The following SPTAN1 variants were observed in gnomAD, a reference collection of about 807,000 sequenced individuals.
SPTAN1 encodes spectrin alpha chain, non-erythrocytic 1.
SPTAN1 carries 61 observed loss-of-function variants against 331.3 expected under a neutral mutation model. The observed-to-expected ratio is 0.18, with a 90% CI of 0.15 to 0.23. The LOEUF is 0.23. Among genes scored for constraint, SPTAN1 ranks in the 10% least tolerant of loss-of-function variants. The pLI, the probability that SPTAN1 is intolerant of heterozygous loss-of-function variation, is 1.00. For synonymous variants in SPTAN1, 1,153 were observed against 1,173.9 expected (o/e 0.98, Z 0.36); for missense variants, 2,043 against 3,147.9 (o/e 0.65, Z 8.40).
At chr9:128,604,773 A>C (rs1181767300) in intron 29 of SPTAN1, among the ~76,000 whole-genome samples, 2 of 152,172 alleles carry the variant, frequency 1.3e-5, no homozygotes, top group East Asian at 3.9e-4. Context: ...TCTACTAAAA[A>C]TAAAAAAATT....
Position 128,576,908 on chromosome 9 carries a change from A to G in SPTAN1, c.737A>G (p.Gln246Arg). 1 of 1,614,182 alleles carries G rather than the reference A, an allele frequency of 6.2e-7. No individual in the cohort carries two copies. Among genetic ancestry groups the G allele is most frequent in the Non-Finnish European group, 8.5e-7 (1 of 1,180,044 alleles). The change falls in exon 6 of 57, where the codon CAG becomes CGG. Residue 246 changes from glutamine to arginine, a missense_variant. By Grantham distance (43) the Gln-to-Arg change is conservative. Around this residue, in one of 12 missense-constraint regions of SPTAN1, gnomAD observed 1,038 missense variants for 1,531.5 expected, o/e 0.68. Transcript: ENST00000372739. ...AWQRLKGLAL[Q>R]RQGKLFGAAE... Reference sequence around the variant, plus strand: ...CAGCGGCTGAAGGGCCTGGCTCTGCAGAGGCAGGGGAAGCTCTTTGGGGCA... The same window carrying G: ...CAGCGGCTGAAGGGCCTGGCTCTGCGGAGGCAGGGGAAGCTCTTTGGGGCA...
chr9:128,605,607 GC>G, intron 31 of SPTAN1, 130 bp downstream of exon 31: 1 of 1,193,850 alleles, frequency 8.4e-7, no homozygotes, highest in Non-Finnish European at 1.2e-6. Context: ...ACTTTGGGGG[GC>G]CAAGGCAAGC....
intron 21 of SPTAN1, 90 bp from the exon 22 acceptor site, chr9:128,591,387 C>T (rs945265914): frequency 1.5e-4 from 235 of 1,560,894 alleles, no homozygotes; most frequent in Non-Finnish European, 2.0e-4. Context: ...CTTAAAACAA[C>T]GCTCTCGTGT....
In SPTAN1 at chr9:128,574,705, G is replaced by A. The variant is rs1258485341; in HGVS notation, c.394G>A (p.Glu132Lys). 7 of 1,614,168 alleles carry A rather than the reference G, an allele frequency of 4.3e-6. No homozygotes were observed. The South Asian group carries it at 4.4e-5, about 10-fold the overall frequency. ...TTTGATGGAGCTGCACCGCCAGTGG[G>A]AATTACTTTTGGAGAAGATGCGAGA... is the stretch of plus-strand genomic sequence containing the variant. ...TRLMELHRQW[E>K]LLLEKMREKG... Residue 132 changes from glutamate to lysine, a missense_variant, in exon 4 of 57, where the codon GAA (glutamate) becomes AAA (lysine). Glu to Lys is a moderately conservative substitution (Grantham distance 56). Transcript: ENST00000372739.
intron 24 of SPTAN1, among the ~76,000 whole-genome samples, chr9:128,597,968 G>A (rs190012740): frequency 2.6e-4 from 38 of 144,984 alleles, no homozygotes; most frequent in Middle Eastern, 4.3e-3. Flanking sequence ...TTGTTTTTGA[G>A]ATGGAGTTTC....
intron 1 of SPTAN1, among the ~76,000 whole-genome samples, chr9:128,560,792 G>A (rs1415057731): frequency 6.6e-6 from 1 of 151,848 alleles, no homozygotes; most frequent in Non-Finnish European, 1.5e-5. Flanking sequence ...GGCTGAGGTG[G>A]GTGGATCACC....
intron 42 of SPTAN1, 93 bp downstream of exon 42, chr9:128,617,853 C>T: frequency 6.2e-7 from 1 of 1,611,630 alleles, no homozygotes; most frequent in Non-Finnish European, 8.5e-7. Context: ...ACTGAGGTCC[C>T]TAAAGTGTTC....
chr9:128,598,053 A>T (rs1235621841), intron 24 of SPTAN1, among the ~76,000 whole-genome samples: 5 of 152,114 alleles, frequency 3.3e-5, no homozygotes, highest in Admixed American at 3.3e-4. Context: ...GGTTCAAGCG[A>T]TTCTCCTGCC....
At chr9:128,593,107 C>T in intron 23 of SPTAN1, 65 bp downstream of exon 23, 1 of 1,522,896 alleles carries the variant, frequency 6.6e-7, no homozygotes, top group Non-Finnish European at 9.0e-7. Context: ...TCTCCCTCTG[C>T]CGCTTCTCTT....
At chr9:128,553,868 A>C (rs1238825537) in intron 1 of SPTAN1, among the ~76,000 whole-genome samples, 1 of 152,198 alleles carries the variant, frequency 6.6e-6, no homozygotes, top group Non-Finnish European at 1.5e-5. Flanking sequence ...TTGCGTCGTC[A>C]TAGCAATTGG....
chr9:128,628,511 T>C (rs527776270), intron 51 of SPTAN1: 3 of 290,952 alleles, frequency 1.0e-5, no homozygotes, highest in East Asian at 8.7e-5. Context: ...CGTTATGTGA[T>C]AGACAGGACG....
intron 1 of SPTAN1, chr9:128,555,539 A>AAATCCTAACC: frequency 1.9e-6 from 1 of 520,808 alleles, no homozygotes; most frequent in Non-Finnish European, 2.9e-6. Flanking sequence ...TCTGTTAAAC[A>AAATCCTAACC]AATTGGTTAG....
intron 6 of SPTAN1, 43 bp downstream of exon 6, chr9:128,576,999 G>C: frequency 4.3e-6 from 7 of 1,614,026 alleles, no homozygotes; most frequent in Non-Finnish European, 5.1e-6. Flanking sequence ...TCTCAACCTG[G>C]AGGGGAGTTG....
chr9:128,604,524 C>T lies in SPTAN1; in HGVS notation c.3719+107C>T, dbSNP rs185387751. On this transcript the variant is annotated intron_variant, in intron 29 of 56. Transcript: ENST00000372739. ...ATCCTAGAGCAACTGCTGGCTCTTA[C>T]TGATGTTTATTTGTGACATGGGGTG... The T allele has an allele frequency of 1.2e-5, 13 of 1,102,796 alleles. No individual in the cohort carries two copies. In the East Asian group the frequency reaches 2.3e-4, roughly 20 times the overall value. 68.3% of individuals were successfully genotyped at this position (1,102,796 alleles called of 1,614,324 possible).
intron 1 of SPTAN1, among the ~76,000 whole-genome samples, chr9:128,565,607 A>G (rs1849934952): frequency 6.6e-6 from 1 of 152,204 alleles, no homozygotes; most frequent in South Asian, 2.1e-4. Context: ...AAACTCTGAC[A>G]TCAGCCATCT....
At chr9:128,623,021 G>A (rs1364576613) in intron 45 of SPTAN1, among the ~76,000 whole-genome samples, 1 of 151,904 alleles carries the variant, frequency 6.6e-6, no homozygotes, top group Non-Finnish European at 1.5e-5. Context: ...AAAGTGCTGG[G>A]ATTACAGGCG....
At chr9:128,615,941 G>A (rs1212058019) in intron 41 of SPTAN1, 101 bp downstream of exon 41, 2 of 1,305,600 alleles carry the variant, frequency 1.5e-6, no homozygotes, top group South Asian at 1.2e-5. Flanking sequence ...AACCCTGCTG[G>A]ACTGGGATCC....
chr9:128,555,811 A>T (rs572410813), intron 1 of SPTAN1, among the ~76,000 whole-genome samples: 2 of 152,314 alleles, frequency 1.3e-5, no homozygotes, highest in Non-Finnish European at 2.9e-5. Flanking sequence ...CTGAAAATAC[A>T]TAGTAAAAAT....
Position 128,626,462 on chromosome 9 carries a change from G to A in SPTAN1, c.6351G>A (p.Glu2117=), listed in dbSNP as rs1858761793. Reference sequence around the variant, plus strand: ...ACAGCTGGTTTGAAAATGCAGAGGAGGACTTAACAGACCCCGTGCGCTGCA... The same window carrying A: ...ACAGCTGGTTTGAAAATGCAGAGGAAGACTTAACAGACCCCGTGCGCTGCA... ...AFNSWFENAE[E]DLTDPVRCNS... Residue 2117 remains glutamate, a synonymous_variant, in exon 49 of 57, where the codon GAG becomes GAA. Coordinates refer to ENST00000372739, the MANE Select transcript of SPTAN1 (RefSeq NM_001130438.3). The A allele has an allele frequency of 6.2e-7, 1 of 1,614,188 alleles. No individual in the cohort carries two copies.
Sources: allele counts gnomAD v4.1 joint callset (sites outside exome capture counted in the v4.1 genomes callset), GRCh38; gene constraint gnomAD v4.1.1; regional missense constraint gnomAD v4.1.1; transcripts MANE v1.5; gene names NCBI Gene and HGNC (gene_info 2026-07-23, HGNC 2026-07-21).